The following THRAP3 variants were observed in gnomAD, a reference collection of about 807,000 sequenced individuals.
THRAP3 encodes the protein thyroid hormone receptor associated protein 3.
Under a neutral mutation model 101.0 loss-of-function variants are expected in THRAP3, and 16 were observed. The observed-to-expected ratio is 0.16, with a 90% CI of 0.11 to 0.24. The LOEUF is 0.24. THRAP3 is among the 10% of genes least tolerant of loss of function. The probability of loss-of-function intolerance (pLI) is 1.00; values close to 1 mark genes in which losing one functional copy is unlikely to be tolerated. For synonymous variants in THRAP3, 407 were observed against 422.6 expected, an observed-to-expected ratio of 0.96 and a Z score of 0.45; for missense variants, 989 against 1,202.7, an observed-to-expected ratio of 0.82 and a Z score of 2.63.
chr1:36,292,752 T>C (rs756443155), intron 7 of THRAP3, 43 bp downstream of exon 7: 14 of 1,464,232 alleles, frequency 9.6e-6, no homozygotes, highest in Non-Finnish European at 1.3e-5. Context: ...ATAAAAGACT[T>C]TGTATCAGAC....
the THRAP3 span, among the ~76,000 whole-genome samples, chr1:36,214,950 G>A: frequency 5.3e-5 from 8 of 150,660 alleles, no homozygotes; most frequent in Non-Finnish European, 8.9e-5. Flanking sequence ...GCCTGGGCGC[G>A]GTGGCTCACG....
intron 1 of THRAP3, among the ~76,000 whole-genome samples, chr1:36,241,577 A>AT (rs562173564): frequency 0.037 from 4,993 of 133,458 alleles, 235 homozygotes; most frequent in African/African-American, 0.11. Flanking sequence ...ATCCGCTAAA[A>AT]TTTTTTTTTT....
chr1:36,264,582 C>T (rs1183272280), intron 2 of THRAP3, among the ~76,000 whole-genome samples: 1 of 152,208 alleles, frequency 6.6e-6, no homozygotes, highest in Non-Finnish European at 1.5e-5. Flanking sequence ...CTTAGTGCCC[C>T]TCTTGAAGTA....
chr1:36,228,634 C>T (rs1342063305), intron 1 of THRAP3, among the ~76,000 whole-genome samples: 1 of 152,118 alleles, frequency 6.6e-6, no homozygotes, highest in Non-Finnish European at 1.5e-5. Context: ...GGATTACAGG[C>T]GTGAGCCACC....
In THRAP3 at chr1:36,304,464, CTTTTT is replaced by C. The variant is rs932444180; in HGVS notation, c.*450_*454del. ...CCCCCTCCTTTTTTTTTTTTTTTTT[CTTTTT>C]TTAGGCATATGTAGTAATATTAGAA... On this transcript the variant is annotated 3_prime_UTR_variant, in exon 12 of 12. Transcript: ENST00000354618. The C allele has an allele frequency of 7.2e-5, 8 of 111,764 alleles. No homozygotes were observed. The highest frequency in any genetic ancestry group is 1.0e-4 in the Non-Finnish European group (6 of 58,310). 6.9% of individuals were successfully genotyped at this position (111,764 alleles called of 1,614,324 possible).
chr1:36,286,677 G>C lies in THRAP3; in HGVS notation c.447G>C (p.Ser149=). 1.2e-6 allele frequency: 2 copies of C among 1,614,126 alleles called. No homozygotes were observed. Among genetic ancestry groups the C allele is most frequent in the Non-Finnish European group, 1.7e-6 (2 of 1,180,018 alleles). The change falls in exon 4 of 12, where the codon TCG becomes TCC. Residue 149 remains serine, a synonymous_variant. Transcript: ENST00000354618. The surrounding 1 kb of genome is among the most constrained non-coding windows in gnomAD (Gnocchi z 5.5). ...GCCATTCTAGAAACTCTGATAAGTC[G>C]TCTTCTGACCGGTCAAGGCGCTCCT... ...SRSHSRNSDK[S]SSDRSRRSSS...
intron 1 of THRAP3, among the ~76,000 whole-genome samples, chr1:36,252,946 A>G (rs1029276822): frequency 1.3e-4 from 15 of 115,922 alleles, no homozygotes; most frequent in African/African-American, 4.4e-4. Flanking sequence ...ATATATATAT[A>G]TATATATATA....
At chr1:36,264,578 G>T (rs1205769015) in intron 2 of THRAP3, among the ~76,000 whole-genome samples, 1 of 152,138 alleles carries the variant, frequency 6.6e-6, no homozygotes, top group Non-Finnish European at 1.5e-5. Context: ...CCACCTTAGT[G>T]CCCCTCTTGA....
rs756444779 is a variant in THRAP3 at position 36,301,621 on chromosome 1, C to A, written c.2571C>A (p.Asn857Lys). The A allele has an allele frequency of 1.5e-5, 24 of 1,614,140 alleles. No homozygotes were observed. The South Asian group carries it at 2.6e-4, about 18-fold the overall frequency. ...CTGGGAACAATAACAACAACAGCAA[C>A]AACGATTTTCAAAAAAGAAACCGGG... Reference protein sequence around the residue: ...NYSGNNNNNSNNDFQKRNREE... With the variant: ...NYSGNNNNNSKNDFQKRNREE... The change falls in exon 11 of 12, where the codon AAC becomes AAA. Residue 857 changes from asparagine to lysine, a missense_variant. By Grantham distance (94) the Asn-to-Lys change is moderately conservative. Coordinates refer to ENST00000354618, the MANE Select transcript of THRAP3 (RefSeq NM_005119.4).
intron 2 of THRAP3, among the ~76,000 whole-genome samples, chr1:36,261,630 C>G (rs1030580386): frequency 1.1e-4 from 16 of 152,154 alleles, no homozygotes; most frequent in African/African-American, 2.7e-4. Flanking sequence ...CTACACTGAT[C>G]ACATGTATCT....
At chr1:36,282,842 T>G (rs570855454) in intron 3 of THRAP3, 142 bp downstream of exon 3, 2 of 806,996 alleles carry the variant, frequency 2.5e-6, no homozygotes, top group East Asian at 2.6e-5. Flanking sequence ...CTATAAGATA[T>G]TCCAGGTCTC....
At chr1:36,303,708 G>A in intron 11 of THRAP3, 88 bp from the exon 12 acceptor site, 1 of 1,576,532 alleles carries the variant, frequency 6.3e-7, no homozygotes, top group Non-Finnish European at 8.6e-7. Flanking sequence ...GTTCTTTTGG[G>A]AAAGGCACAT....
At chr1:36,241,467 A>G (rs1645160481) in intron 1 of THRAP3, among the ~76,000 whole-genome samples, 1 of 149,140 alleles carries the variant, frequency 6.7e-6, no homozygotes, top group African/African-American at 2.5e-5. Context: ...ACAAATGTCC[A>G]GGTCATGTTT....
chr1:36,284,453 G>A (rs1645770611), intron 3 of THRAP3, among the ~76,000 whole-genome samples: 1 of 152,168 alleles, frequency 6.6e-6, no homozygotes, highest in African/African-American at 2.4e-5. Context: ...TGGATGTTCA[G>A]TTTTTATTTC....
intron 2 of THRAP3, among the ~76,000 whole-genome samples, chr1:36,279,454 T>C (rs1645704316): frequency 1.3e-5 from 2 of 152,360 alleles, no homozygotes; most frequent in South Asian, 2.1e-4. Context: ...TTATTTTTAA[T>C]ATTCTCATTG....
chr1:36,298,476 G>A (rs1357747876), intron 9 of THRAP3, among the ~76,000 whole-genome samples: 1 of 152,038 alleles, frequency 6.6e-6, no homozygotes, highest in African/African-American at 2.4e-5. Context: ...GCAAACCCCG[G>A]TATTCTGTGA....
At chr1:36,258,559 T>C (rs1339120282) in intron 1 of THRAP3, among the ~76,000 whole-genome samples, 1 of 152,008 alleles carries the variant, frequency 6.6e-6, no homozygotes, top group African/African-American at 2.4e-5. Flanking sequence ...CACCGCAAGC[T>C]CCACCTCCTG....
intron 1 of THRAP3, among the ~76,000 whole-genome samples, chr1:36,255,772 CA>C (rs113469683): frequency 0.075 from 9,918 of 132,200 alleles, 1,015 homozygotes; most frequent in African/African-American, 0.25. Flanking sequence ...GACTCTGTCT[CA>C]AAAAAAAAAA....
chr1:36,234,750 C>G (rs1645065410), intron 1 of THRAP3, among the ~76,000 whole-genome samples: 1 of 142,982 alleles, frequency 7.0e-6, no homozygotes, highest in Admixed American at 7.0e-5. Context: ...AATGCTTTGT[C>G]TTATTCATTG....
Sources: allele counts gnomAD v4.1 joint callset (sites outside exome capture counted in the v4.1 genomes callset), GRCh38; gene constraint gnomAD v4.1.1; non-coding constraint Gnocchi (gnomAD v3.1); transcripts MANE v1.5; gene names NCBI Gene and HGNC (gene_info 2026-07-23, HGNC 2026-07-21).